The following CRY2 variants were observed in gnomAD, a reference collection of about 807,000 sequenced individuals.
The protein encoded by CRY2 is cryptochrome circadian regulator 2.
A neutral mutation model predicts 69.5 loss-of-function variants in CRY2; 31 were observed. That is an observed-to-expected ratio of 0.45 (90% CI 0.34 to 0.60). The LOEUF (loss-of-function observed/expected upper bound fraction) is 0.60. CRY2 is among the 20% of genes least tolerant of loss of function. The pLI, the probability that CRY2 is intolerant of heterozygous loss-of-function variation, is 0.02. For missense variants in CRY2, 606 were observed against 797.8 expected (o/e 0.76, Z 2.90); for synonymous variants, 303 against 312.2 (o/e 0.97, Z 0.31).
At chr11:45,866,267 TGTG>T (rs1480482782) in intron 5 of CRY2, among the ~76,000 whole-genome samples, 1 of 152,018 alleles carries the variant, frequency 6.6e-6, no homozygotes, top group East Asian at 1.9e-4. Flanking sequence ...GAGCTATGGA[TGTG>T]GTGGTTGTCT....
intron 6 of CRY2, 136 bp from the exon 7 acceptor site, chr11:45,869,370 G>T (rs2086355819): frequency 1.1e-6 from 1 of 887,322 alleles, no homozygotes; most frequent in East Asian, 2.5e-5. Context: ...CACTTCTAGG[G>T]GATAGTCCCT....
chr11:45,870,969 G>A, intron 10 of CRY2, 35 bp downstream of exon 10: 1 of 1,562,010 alleles, frequency 6.4e-7, no homozygotes, highest in Non-Finnish European at 8.7e-7. Flanking sequence ...GTGGCCTCCT[G>A]TGGCCTGTGC....
intron 1 of CRY2, among the ~76,000 whole-genome samples, chr11:45,853,817 C>T (rs1423656088): frequency 6.6e-6 from 1 of 152,244 alleles, no homozygotes; most frequent in African/African-American, 2.4e-5. Context: ...GCACTTGCAG[C>T]TCCCTGTTCC....
intron 1 of CRY2, among the ~76,000 whole-genome samples, chr11:45,853,517 C>T (rs2086214431): frequency 6.6e-6 from 1 of 152,146 alleles, no homozygotes; most frequent in Non-Finnish European, 1.5e-5. Context: ...GTTCTGGAAC[C>T]TAGATTTCAT....
chr11:45,862,485 G>A (rs924208591), intron 5 of CRY2, among the ~76,000 whole-genome samples: 2 of 152,214 alleles, frequency 1.3e-5, no homozygotes, highest in African/African-American at 4.8e-5. Flanking sequence ...CTTGCCTGAG[G>A]TCACAAAGTT....
chr11:45,866,689 G>A (rs2086332915), intron 5 of CRY2, among the ~76,000 whole-genome samples: 1 of 152,172 alleles, frequency 6.6e-6, no homozygotes, highest in African/African-American at 2.4e-5. Flanking sequence ...AGCCAGGTGT[G>A]GTGGCAGGTG....
At chr11:45,874,046 C>T (rs910286444) in intron 11 of CRY2, among the ~76,000 whole-genome samples, 1 of 152,092 alleles carries the variant, frequency 6.6e-6, no homozygotes, top group Non-Finnish European at 1.5e-5. Flanking sequence ...CTTTGGGAGG[C>T]CGAGGTGGGT....
At chr11:45,868,388 C>G (rs2086348311) in intron 6 of CRY2, among the ~76,000 whole-genome samples, 1 of 152,238 alleles carries the variant, frequency 6.6e-6, no homozygotes, top group South Asian at 2.1e-4. Context: ...CTGTGTTACC[C>G]AGGCTAGAGT....
chr11:45,880,136 A>T (rs2086459705), intron 11 of CRY2, among the ~76,000 whole-genome samples: 1 of 152,182 alleles, frequency 6.6e-6, no homozygotes, highest in Non-Finnish European at 1.5e-5. Context: ...TACCTGACCC[A>T]CGGCAGGCTT....
At chr11:45,866,963 A>G (rs1452976689) in intron 5 of CRY2, among the ~76,000 whole-genome samples, 4 of 151,198 alleles carry the variant, frequency 2.6e-5, no homozygotes, top group Non-Finnish European at 1.5e-5. Flanking sequence ...CTCAAAAAAG[A>G]AAAAAAAATA....
At chr11:45,870,729 G>A (rs2086372379) in intron 9 of CRY2, 113 bp from the exon 10 acceptor site, 1 of 1,106,966 alleles carries the variant, frequency 9.0e-7, no homozygotes, top group Non-Finnish European at 1.3e-6. Context: ...GGGAGGAAAT[G>A]GAACCTCAGT....
chr11:45,860,683 G>C (rs1045000947), intron 3 of CRY2, among the ~76,000 whole-genome samples, 165 bp from the exon 4 acceptor site: 1 of 152,206 alleles, frequency 6.6e-6, no homozygotes, highest in Non-Finnish European at 1.5e-5. Context: ...GTAAAATGGA[G>C]ATGCGGCCTC....
chr11:45,878,373 G>A (rs779033105), intron 11 of CRY2, among the ~76,000 whole-genome samples: 4 of 152,128 alleles, frequency 2.6e-5, no homozygotes, highest in Non-Finnish European at 4.4e-5. Flanking sequence ...AAAAATGGAG[G>A]TGTTGGGCAA....
At chr11:45,865,820 G>T (rs1449232702) in intron 5 of CRY2, among the ~76,000 whole-genome samples, 2 of 152,220 alleles carry the variant, frequency 1.3e-5, no homozygotes, top group Non-Finnish European at 2.9e-5. Flanking sequence ...GAAGATTTGG[G>T]CTCTGTCCTC....
At chr11:45,879,932 G>A (rs1361505960) in intron 11 of CRY2, among the ~76,000 whole-genome samples, 1 of 152,176 alleles carries the variant, frequency 6.6e-6, no homozygotes, top group Non-Finnish European at 1.5e-5. Flanking sequence ...TGTACTGTCT[G>A]GGTCTAAATT....
chr11:45,857,613 G>A (rs1345750033), intron 2 of CRY2, among the ~76,000 whole-genome samples: 1 of 152,190 alleles, frequency 6.6e-6, no homozygotes, highest in Non-Finnish European at 1.5e-5. Flanking sequence ...CACACTAATA[G>A]GGGAAACAGG....
intron 4 of CRY2, 50 bp from the exon 5 acceptor site, chr11:45,862,010 A>G (rs771433070): frequency 1.3e-6 from 2 of 1,504,026 alleles, no homozygotes; most frequent in Non-Finnish European, 1.8e-6. Context: ...GTGCCGGGCT[A>G]TCACTGAAAT....
intron 1 of CRY2, among the ~76,000 whole-genome samples, chr11:45,849,514 CATAAG>C (rs745592178): frequency 9.2e-5 from 14 of 152,210 alleles, no homozygotes; most frequent in South Asian, 4.1e-4. Context: ...CCATGAGAAA[CATAAG>C]ATAAGGGGAC....
chr11:45,864,800 G>A (rs190795003), intron 5 of CRY2, among the ~76,000 whole-genome samples: 5 of 152,094 alleles, frequency 3.3e-5, no homozygotes, highest in East Asian at 1.9e-4. Context: ...CCTGGGAGGC[G>A]GAGGTTGCAG....
Sources: allele counts gnomAD v4.1 joint callset (sites outside exome capture counted in the v4.1 genomes callset), GRCh38; gene constraint gnomAD v4.1.1; transcripts MANE v1.5; gene names NCBI Gene and HGNC (gene_info 2026-07-23, HGNC 2026-07-21).